The following KCNJ6 variants were observed in gnomAD, a reference collection of about 807,000 sequenced individuals.
KCNJ6 encodes the protein G protein-activated inward rectifier potassium channel 2.
Under a neutral mutation model 34.2 loss-of-function variants are expected in KCNJ6, and 9 were observed. That is an observed-to-expected ratio of 0.26 (90% CI 0.16 to 0.46). The LOEUF is 0.46. Among genes scored for constraint, KCNJ6 ranks in the 20% least tolerant of loss-of-function variants. KCNJ6 has a pLI of 1.00. For synonymous variants in KCNJ6, 196 were observed against 207.1 expected, an observed-to-expected ratio of 0.95 and a Z score of 0.46; for missense variants, 236 against 531.3, an observed-to-expected ratio of 0.44 and a Z score of 5.46.
intron 2 of KCNJ6, among the ~76,000 whole-genome samples, chr21:37,803,400 G>T (rs2055278960): frequency 6.6e-6 from 1 of 152,156 alleles, no homozygotes; most frequent in South Asian, 2.1e-4. Flanking sequence ...ATCCACCACG[G>T]AAATAAGTCT....
In KCNJ6 at chr21:37,620,616, AC is replaced by A. The variant is rs1439075207; in HGVS notation, c.*4542del. 6.6e-6 allele frequency: 1 copy of A among 152,050 alleles called. No homozygotes were observed. Among genetic ancestry groups the A allele is most frequent in the African/African-American group, 2.4e-5 (1 of 41,388 alleles). 9.4% of individuals were successfully genotyped at this position (152,050 alleles called of 1,614,324 possible). A position where few individuals can be genotyped will look rare whatever the true frequency, so the allele number is the denominator to read the frequency against. On this transcript the variant is annotated 3_prime_UTR_variant, in exon 4 of 4. Transcript: ENST00000609713. Reference sequence around the variant, plus strand: ...ATAGCCCACAGCTTAGGGCCCTGTGACCTGGATTTGAGACAAGGAGCTATGA... The same window carrying A: ...ATAGCCCACAGCTTAGGGCCCTGTGACTGGATTTGAGACAAGGAGCTATGA...
chr21:37,829,448 G>A (rs899025984), intron 2 of KCNJ6, among the ~76,000 whole-genome samples: 35 of 152,344 alleles, frequency 2.3e-4, no homozygotes, highest in African/African-American at 8.4e-4. Context: ...CTTGGGTTTG[G>A]TTGGGGCTCC....
At chr21:37,799,509 A>C (rs2123530438) in intron 2 of KCNJ6, among the ~76,000 whole-genome samples, 1 of 152,332 alleles carries the variant, frequency 6.6e-6, no homozygotes, top group South Asian at 2.1e-4. Flanking sequence ...AGTCTCCTCT[A>C]CACAGTAATT....
At chr21:37,717,881 C>T (rs2054802083) in intron 2 of KCNJ6, among the ~76,000 whole-genome samples, 3 of 152,214 alleles carry the variant, frequency 2.0e-5, no homozygotes, top group Admixed American at 1.3e-4. Flanking sequence ...ATTCCTGCCT[C>T]CCCTCCATCT....
intron 3 of KCNJ6, among the ~76,000 whole-genome samples, chr21:37,651,378 G>C (rs1399436368): frequency 6.6e-6 from 1 of 152,224 alleles, no homozygotes. Context: ...GGAGAGTTTG[G>C]AGGAGATAGA....
chr21:37,635,064 TTG>T lies in KCNJ6; in HGVS notation c.947-9582_947-9581del, dbSNP rs542273390. 1.6e-4 allele frequency among the ~76,000 whole-genome samples: 25 copies of T among 152,040 alleles called. No individual in the cohort carries two copies. In the South Asian group the frequency reaches 4.8e-3, roughly 29 times the overall value. On this transcript the variant is annotated intron_variant, in intron 3 of 3. Transcript: ENST00000609713. ...AGCCACCATGCACAGCCAAATCACT[TTG>T]TGGTTTTTTTTAAAGAAAGCAAGGG...
intron 2 of KCNJ6, among the ~76,000 whole-genome samples, chr21:37,808,989 T>C (rs991687639): frequency 6.6e-6 from 1 of 152,196 alleles, no homozygotes; most frequent in African/African-American, 2.4e-5. Flanking sequence ...CTGAGAAAAC[T>C]AGAAATACCA....
intron 1 of KCNJ6, among the ~76,000 whole-genome samples, chr21:37,842,051 C>G (rs933256432): frequency 2.0e-5 from 3 of 152,222 alleles, no homozygotes; most frequent in Admixed American, 1.3e-4. Context: ...ACATTCTTGC[C>G]AGCTTGCCAG....
At chr21:37,798,191 C>T (rs1447403624) in intron 2 of KCNJ6, among the ~76,000 whole-genome samples, 1 of 152,140 alleles carries the variant, frequency 6.6e-6, no homozygotes, top group African/African-American at 2.4e-5. Context: ...AGTATCTGGC[C>T]TTGGAACACG....
intron 3 of KCNJ6, among the ~76,000 whole-genome samples, chr21:37,649,132 CAAAAAAAAAA>C (rs1169306298): frequency 5.0e-5 from 2 of 40,034 alleles, no homozygotes; most frequent in Non-Finnish European, 1.0e-4. Flanking sequence ...GACTCCATCT[CAAAAAAAAAA>C]AAAAAAAAAA....
At chr21:37,882,512 G>A in intron 1 of KCNJ6, among the ~76,000 whole-genome samples, 1 of 152,206 alleles carries the variant, frequency 6.6e-6, no homozygotes, top group East Asian at 1.9e-4. Flanking sequence ...GCAAATACCA[G>A]CCCTTCGCCC....
At chr21:37,899,088 C>A (rs1338532589) in intron 1 of KCNJ6, among the ~76,000 whole-genome samples, 1 of 152,136 alleles carries the variant, frequency 6.6e-6, no homozygotes, top group Non-Finnish European at 1.5e-5. Context: ...AGGCTTTCAA[C>A]CCTTTAATAA....
chr21:37,676,469 A>C (rs115193191), intron 3 of KCNJ6, among the ~76,000 whole-genome samples: 3 of 152,246 alleles, frequency 2.0e-5, no homozygotes. Context: ...TGGACAGCCC[A>C]GTGCCTTGTG....
intron 3 of KCNJ6, among the ~76,000 whole-genome samples, chr21:37,678,085 A>G (rs1390964713): frequency 2.0e-5 from 3 of 152,116 alleles, no homozygotes; most frequent in African/African-American, 4.8e-5. Context: ...CAAAGGCCCT[A>G]TGGGGCCAAA....
chr21:37,869,557 T>G (rs1175960613), intron 1 of KCNJ6, among the ~76,000 whole-genome samples: 2 of 152,212 alleles, frequency 1.3e-5, no homozygotes, highest in African/African-American at 4.8e-5. Flanking sequence ...CACCTGCTCA[T>G]TTCAAACCCT....
intron 1 of KCNJ6, among the ~76,000 whole-genome samples, chr21:37,891,023 G>C (rs2055759560): frequency 6.6e-6 from 1 of 152,132 alleles, no homozygotes; most frequent in African/African-American, 2.4e-5. Flanking sequence ...TAAACACAAG[G>C]GATCCTGAGG....
chr21:37,776,240 A>AT, intron 2 of KCNJ6, among the ~76,000 whole-genome samples: 1 of 152,278 alleles, frequency 6.6e-6, no homozygotes, highest in East Asian at 1.9e-4. Context: ...GCTTAAGAAG[A>AT]TTTTGGGCTG....
chr21:37,788,333 T>C (rs2055201367), intron 2 of KCNJ6, among the ~76,000 whole-genome samples: 1 of 152,226 alleles, frequency 6.6e-6, no homozygotes, highest in African/African-American at 2.4e-5. Flanking sequence ...TAGTGTATGA[T>C]GTTCCCTCTA....
chr21:37,838,794 C>T (rs896502701), intron 2 of KCNJ6, among the ~76,000 whole-genome samples: 1 of 152,180 alleles, frequency 6.6e-6, no homozygotes, highest in African/African-American at 2.4e-5. Flanking sequence ...CCATGCAAAT[C>T]TCATATTGAA....
Sources: gnomAD v4.1 joint callset for allele counts (sites outside exome capture counted in the v4.1 genomes callset) on GRCh38, gnomAD v4.1.1 for gene constraint, MANE v1.5 for transcripts, NCBI Gene and HGNC (gene_info 2026-07-23, HGNC 2026-07-21) for gene names.